SOS1: variants seen among roughly 807,000 people sequenced by gnomAD.
SOS1 encodes SOS Ras/Rac guanine nucleotide exchange factor 1.
In SOS1, 25 loss-of-function variants were observed where a neutral mutation model predicts 157.6. That is an observed-to-expected ratio of 0.16 (90% confidence interval 0.12 to 0.22). The LOEUF (loss-of-function observed/expected upper bound fraction) is 0.22, where lower values mean the gene tolerates loss of function less well. Among genes scored for constraint, SOS1 ranks in the 10% least tolerant of loss-of-function variants. The probability of loss-of-function intolerance (pLI) is 1.00; values close to 1 mark genes in which losing one functional copy is unlikely to be tolerated. For synonymous variants in SOS1, 528 were observed against 534.0 expected, an observed-to-expected ratio of 0.99 and a Z score of 0.16; for missense variants, 1,237 against 1,599.1, an observed-to-expected ratio of 0.77 and a Z score of 3.86.
intron 1 of SOS1, among the ~76,000 whole-genome samples, chr2:39,109,234 T>C (rs1235591138): frequency 6.6e-6 from 1 of 152,102 alleles, no homozygotes; most frequent in African/African-American, 2.4e-5. Context: ...TAAAATAAAT[T>C]AAATGTCACT....
intron 10 of SOS1, among the ~76,000 whole-genome samples, chr2:39,018,087 T>G (rs980097387): frequency 6.6e-6 from 1 of 151,936 alleles, no homozygotes; most frequent in East Asian, 1.9e-4. Context: ...AAAACCATGT[T>G]GCAGAGAGAG....
rs1572833707 is a variant in SOS1, at chr2:39,026,374, A to C, written c.1075-2237T>G. Among the ~76,000 whole-genome samples the C allele has an allele frequency of 3.0e-4, 5 of 16,486 alleles. No homozygotes were observed. The South Asian group carries it at 0.024, about 78-fold the overall frequency. The allele number at this position is 16,486 out of a possible 152,430, so 10.8% of individuals were successfully genotyped here. A position where few individuals can be genotyped will look rare whatever the true frequency, so the allele number is the denominator to read the frequency against. ...CGTCTCAAAAAAAAAAAAAAAAAAA[A>C]CAGAAAAATTTATTCCTAACAATTC... On this transcript the variant is annotated intron_variant, in intron 8 of 22. Coordinates refer to ENST00000402219, the MANE Select transcript of SOS1 (RefSeq NM_005633.4).
rs763425122 is a variant in SOS1 at position 39,022,600 on chromosome 2, T to C, written c.1828A>G (p.Ile610Val). ...IIKAGTVIKL[I>V]ERLTYHMYAD... is the part of the protein sequence containing the mutation. ...TACATATGGTACGTAAGCCTCTCTA[T>C]AAGTTTAATAACAGTTCCTGCTTTG... Residue 610 changes from isoleucine (I) to valine (V), a missense_variant, in exon 10 of 23, where the codon ATA becomes GTA. Physicochemically the swap from Ile to Val is conservative, Grantham distance 29 (BLOSUM62 3). This residue lies in a region of SOS1 where 22 missense variants were observed against 46.3 expected (regional missense o/e 0.48). Transcript: ENST00000402219. The C allele has an allele frequency of 1.2e-6, 2 of 1,613,256 alleles. No individual in the cohort carries two copies. The highest frequency in any genetic ancestry group is 1.7e-6 in the Non-Finnish European group (2 of 1,179,428).
chr2:39,066,014 T>G (rs779375697), intron 2 of SOS1, among the ~76,000 whole-genome samples: 1 of 152,228 alleles, frequency 6.6e-6, no homozygotes, highest in Non-Finnish European at 1.5e-5. Flanking sequence ...TTCACTTTTT[T>G]CCTTATCCAA....
chr2:39,000,579 T>C (rs1572809771), intron 17 of SOS1, among the ~76,000 whole-genome samples: 3 of 152,218 alleles, frequency 2.0e-5, no homozygotes, highest in Admixed American at 2.0e-4. Flanking sequence ...TTTCACCTTT[T>C]TTGCTGATGT....
At chr2:39,076,398 T>TAA (rs77541801) in intron 1 of SOS1, among the ~76,000 whole-genome samples, 2 of 143,266 alleles carry the variant, frequency 1.4e-5, no homozygotes, top group Non-Finnish European at 3.1e-5. Flanking sequence ...GACCTTACCT[T>TAA]AAAAAAAAAA....
intron 17 of SOS1, among the ~76,000 whole-genome samples, chr2:39,006,137 T>C (rs1015579810): frequency 2.0e-5 from 3 of 152,146 alleles, no homozygotes; most frequent in Non-Finnish European, 4.4e-5. Flanking sequence ...GTATTTAGTT[T>C]ATTAAAATGC....
intron 1 of SOS1, among the ~76,000 whole-genome samples, chr2:39,092,726 A>G (rs1672637937): frequency 6.6e-6 from 1 of 152,208 alleles, no homozygotes; most frequent in Admixed American, 6.5e-5. Context: ...TTTATAATTC[A>G]AGAAAAAGCA....
intron 13 of SOS1, 151 bp downstream of exon 13, chr2:39,013,309 T>C (rs1572822219): frequency 1.6e-6 from 1 of 638,976 alleles, no homozygotes; most frequent in East Asian, 2.7e-5. Context: ...GTCTAAATGC[T>C]ATTTGATGAA....
intron 10 of SOS1, among the ~76,000 whole-genome samples, chr2:39,017,901 A>T (rs1292505352): frequency 6.6e-6 from 1 of 151,964 alleles, no homozygotes; most frequent in East Asian, 1.9e-4. Flanking sequence ...GGAGACGTTT[A>T]TCTTACTGAT....
In SOS1 at chr2:39,064,627, G is replaced by T. The variant is rs1278681641; in HGVS notation, c.213+3001C>A. ...GTATTCTTTGAACGAATCTTCCCCA[G>T]TTCCCTTTCTCTCCAATCAACACAG... is the stretch of plus-strand genomic sequence containing the variant. On this transcript the variant is annotated intron_variant, in intron 2 of 22. Coordinates refer to ENST00000402219, the MANE Select transcript of SOS1 (RefSeq NM_005633.4). 2.6e-5 allele frequency among the ~76,000 whole-genome samples: 4 copies of T among 151,102 alleles called. No homozygotes were observed. In the East Asian group the frequency reaches 7.7e-4, roughly 29 times the overall value.
At chr2:39,119,171 G>T (rs956744777) in intron 1 of SOS1, among the ~76,000 whole-genome samples, 4 of 152,168 alleles carry the variant, frequency 2.6e-5, no homozygotes, top group African/African-American at 9.7e-5. Flanking sequence ...AAGGAGTAAA[G>T]TATGTAAGAT....
chr2:38,982,170 T>A lies in SOS1; in HGVS notation c.*3654A>T, dbSNP rs544000803. ...TGGCTACTTAATGCACTATTTTCAT[T>A]AAAGGCAAAAGGGAAATTTGCTCAC... On this transcript the variant is annotated 3_prime_UTR_variant, in exon 23 of 23. Transcript: ENST00000402219. 6.6e-6 allele frequency: 1 copy of A among 152,264 alleles called. No homozygotes were observed. Among genetic ancestry groups the A allele is most frequent in the South Asian group, 2.1e-4 (1 of 4,828 alleles). The allele number at this position is 152,264 out of a possible 1,614,324, so 9.4% of individuals were successfully genotyped here.
Position 38,986,097 on chromosome 2 carries a change from G to T in SOS1, c.3729C>A (p.Asp1243Glu). 6.2e-7 allele frequency: 1 copy of T among 1,613,876 alleles called. No homozygotes were observed. Among genetic ancestry groups the T allele is most frequent in the Non-Finnish European group, 8.5e-7 (1 of 1,179,894 alleles). ...TGTTTGGGAAGAAGGCATTGCCATG[G>T]TCACTTTTTTTGCCCAAAGGGGGAG... ...LQPPPLGKKS[D>E]HGNAFFPNSP... Residue 1243 changes from aspartate to glutamate, a missense_variant, in exon 23 of 23, where the codon GAC (aspartate) becomes GAA (glutamate). Physicochemically the swap from Asp to Glu is conservative, Grantham distance 45 (BLOSUM62 2). This residue lies in a region of SOS1 where 306 missense variants were observed against 322.6 expected (regional missense o/e 0.95). Coordinates refer to ENST00000402219, the MANE Select transcript of SOS1 (RefSeq NM_005633.4).
chr2:39,054,904 G>A (rs527596710), intron 4 of SOS1, 81 bp from the exon 5 acceptor site: 2 of 797,588 alleles, frequency 2.5e-6, no homozygotes, highest in Non-Finnish European at 4.3e-6. Context: ...TAAGTTCTCT[G>A]AATAAAGTTC....
chr2:39,082,159 T>A (rs183551682), intron 1 of SOS1, among the ~76,000 whole-genome samples: 2 of 152,330 alleles, frequency 1.3e-5, no homozygotes, highest in Admixed American at 6.5e-5. Context: ...TTCTAATTAC[T>A]TTTTGTACCC....
chr2:39,031,557 C>A (rs1230285319), intron 8 of SOS1, among the ~76,000 whole-genome samples: 1 of 152,066 alleles, frequency 6.6e-6, no homozygotes, highest in African/African-American at 2.4e-5. Flanking sequence ...TGGCAAAACC[C>A]TTTGTCTACT....
At chr2:39,076,744 C>G (rs1376718190) in intron 1 of SOS1, among the ~76,000 whole-genome samples, 1 of 152,016 alleles carries the variant, frequency 6.6e-6, no homozygotes, top group African/African-American at 2.4e-5. Context: ...GACAAGGATA[C>G]CTACTATCAC....
intron 6 of SOS1, among the ~76,000 whole-genome samples, chr2:39,041,550 CT>C (rs1368299995): frequency 6.6e-6 from 1 of 152,058 alleles, no homozygotes; most frequent in Non-Finnish European, 1.5e-5. Context: ...AAATTATCTA[CT>C]TTTTCTTTTA....
Sources: gnomAD v4.1 joint callset for allele counts (sites outside exome capture counted in the v4.1 genomes callset) on GRCh38, gnomAD v4.1.1 for gene constraint, gnomAD v4.1.1 regional missense constraint, MANE v1.5 for transcripts, NCBI Gene and HGNC (gene_info 2026-07-23, HGNC 2026-07-21) for gene names.